Variants in TMEM154 observed in about 807,000 individuals in gnomAD.
The protein encoded by TMEM154 is transmembrane protein 154.
A neutral mutation model predicts 24.5 loss-of-function variants in TMEM154; 27 were observed. That is an observed-to-expected ratio of 1.10 (90% CI 0.81 to 1.52). The LOEUF (loss-of-function observed/expected upper bound fraction) is 1.52. Among genes scored for constraint, TMEM154 ranks in the 40% most tolerant of loss-of-function variants. TMEM154 has a pLI of 0.00. For synonymous variants in TMEM154, 67 were observed against 76.8 expected (o/e 0.87, Z 0.67); for missense variants, 228 against 213.4 (o/e 1.07, Z -0.43).
intron 2 of TMEM154, 37 bp from the exon 3 acceptor site, chr4:152,652,613 G>T (rs1164741810): frequency 6.2e-7 from 1 of 1,613,214 alleles, no homozygotes; most frequent in Non-Finnish European, 8.5e-7. Context: ...TTTATTGATT[G>T]TTCACTAACA....
At chr4:152,645,458 G>A (rs1191339475) in intron 3 of TMEM154, among the ~76,000 whole-genome samples, 1 of 152,176 alleles carries the variant, frequency 6.6e-6, no homozygotes, top group Non-Finnish European at 1.5e-5. Context: ...GAGAATTGGA[G>A]CCTGATGTCC....
At chr4:152,662,656 C>T (rs947486835) in intron 1 of TMEM154, among the ~76,000 whole-genome samples, 6 of 152,162 alleles carry the variant, frequency 3.9e-5, no homozygotes, top group Admixed American at 3.9e-4. Flanking sequence ...GGTTAACAGC[C>T]ACTCTTAATG....
At chr4:152,656,252 C>G (rs1728489527) in intron 1 of TMEM154, among the ~76,000 whole-genome samples, 1 of 152,164 alleles carries the variant, frequency 6.6e-6, no homozygotes, top group Non-Finnish European at 1.5e-5. Flanking sequence ...TAACCACTAC[C>G]ATTTCTAGCA....
chr4:152,667,620 TGAA>T (rs1194619246), intron 1 of TMEM154, among the ~76,000 whole-genome samples: 4 of 152,348 alleles, frequency 2.6e-5, no homozygotes, highest in Admixed American at 1.3e-4. Context: ...CTAATTTACT[TGAA>T]GAAGTTATGG....
At chr4:152,672,090 T>A (rs1438535770) in intron 1 of TMEM154, among the ~76,000 whole-genome samples, 119 of 101,804 alleles carry the variant, frequency 1.2e-3, no homozygotes, top group African/African-American at 2.1e-3. Flanking sequence ...CCTATCTCTA[T>A]AAAAAAAAAA....
In TMEM154 at chr4:152,641,661, CTTTT is replaced by C. The variant is rs5863014; in HGVS notation, c.479-680_479-677del. Among the ~76,000 whole-genome samples the C allele has an allele frequency of 6.8e-3, 863 of 126,940 alleles. 11 individuals carry two copies. The highest frequency in any genetic ancestry group is 0.022 in the African/African-American group (736 of 34,146). The allele number at this position is 126,940 out of a possible 152,430, so 83.3% of individuals were successfully genotyped here. On this transcript the variant is annotated intron_variant, in intron 5 of 6. Coordinates refer to ENST00000304385, the MANE Select transcript of TMEM154 (RefSeq NM_152680.3). Reference sequence around the variant, plus strand: ...TCTGTGGTGAATTTTTTTCTTCTACCTTTTTTTTTTTTTTTTTTGCATTTTCCAA... The same window carrying C: ...TCTGTGGTGAATTTTTTTCTTCTACCTTTTTTTTTTTTTTGCATTTTCCAA...
intron 3 of TMEM154, chr4:152,646,903 A>T (rs1348007981): frequency 4.3e-6 from 3 of 701,692 alleles, no homozygotes; most frequent in Non-Finnish European, 7.8e-6. Flanking sequence ...CAGCCTGTTT[A>T]AAGGGGTAGT....
At chr4:152,638,317 C>G (rs573793423) in intron 6 of TMEM154, among the ~76,000 whole-genome samples, 1 of 152,306 alleles carries the variant, frequency 6.6e-6, no homozygotes, top group African/African-American at 2.4e-5. Context: ...GTGGACTATT[C>G]TGAAATCACC....
At chr4:152,631,001 C>T (rs1479728571) in intron 6 of TMEM154, among the ~76,000 whole-genome samples, 3 of 152,200 alleles carry the variant, frequency 2.0e-5, no homozygotes, top group African/African-American at 7.2e-5. Flanking sequence ...TAGCCAATCC[C>T]TTATTGTTAA....
At position 152,661,432 on chromosome 4, in the gene TMEM154, T is replaced by C. The variant is rs186218281; in HGVS notation, c.65-8505A>G. On this transcript the variant is annotated intron_variant, in intron 1 of 6. Transcript: ENST00000304385. ...TATGTGCTAGCTGCTAGGATACACA[T>C]GTGCTATCTAATTCGATCTTCACAA... Among the ~76,000 whole-genome samples, 339 of 152,066 alleles carry C rather than the reference T, an allele frequency of 2.2e-3. 4 individuals are homozygous for C. Among genetic ancestry groups the C allele is most frequent in the African/African-American group, 7.9e-3 (329 of 41,484 alleles).
rs1279296066 is a variant in TMEM154, at chr4:152,620,236, A to G, written c.*8310T>C. The stretch of plus-strand genomic sequence containing the variant: ...CCACTGCAACCTTAAAGAGGATCAT[A>G]TGCTGTTTATGTCAGCTCTAGTAAG... On this transcript the variant is annotated 3_prime_UTR_variant, in exon 7 of 7. Transcript: ENST00000304385. 1 of 152,222 alleles carries G rather than the reference A, an allele frequency of 6.6e-6. No homozygotes were observed. Among genetic ancestry groups the G allele is most frequent in the Non-Finnish European group, 1.5e-5 (1 of 68,042 alleles). The allele number at this position is 152,222 out of a possible 1,614,324, so 9.4% of individuals were successfully genotyped here.
Position 152,643,154 on chromosome 4 carries a change from T to C in TMEM154, c.412A>G (p.Thr138Ala), listed in dbSNP as rs761970678. Reference protein sequence around the residue: ...NVKVPIFEEDTPSVMEIEMEE... With the variant: ...NVKVPIFEEDAPSVMEIEMEE... ...ATTTCAATTTCCATAACAGAGGGTG[T>C]ATCTTCCTCAAAAATAGGGCTAGAA... Residue 138 changes from threonine to alanine, a missense_variant, in exon 5 of 7, where the codon ACA becomes GCA. Transcript: ENST00000304385. 1 of 1,611,056 alleles carries C rather than the reference T, an allele frequency of 6.2e-7. No individual in the cohort carries two copies. Among genetic ancestry groups the C allele is most frequent in the Admixed American group, 1.7e-5 (1 of 59,138 alleles).
Position 152,627,261 on chromosome 4 carries a change from T to A in TMEM154, c.*1285A>T, listed in dbSNP as rs1751937096. 6.6e-6 allele frequency: 1 copy of A among 152,228 alleles called. No individual in the cohort carries two copies. The highest frequency in any genetic ancestry group is 1.5e-5 in the Non-Finnish European group (1 of 68,040). 9.4% of individuals were successfully genotyped at this position (152,228 alleles called of 1,614,324 possible). ...AGACACAAAATTGAGCAGCAAATGTTTGGGTAGTCCCATCTCCCTTCGGTT... is the reference window on the plus strand; with the variant it reads ...AGACACAAAATTGAGCAGCAAATGTATGGGTAGTCCCATCTCCCTTCGGTT... On this transcript the variant is annotated 3_prime_UTR_variant, in exon 7 of 7. Transcript: ENST00000304385.
intron 3 of TMEM154, among the ~76,000 whole-genome samples, chr4:152,648,541 G>T (rs983752645): frequency 1.3e-5 from 2 of 152,192 alleles, no homozygotes; most frequent in African/African-American, 4.8e-5. Flanking sequence ...AGGGATGGCA[G>T]TTTGCCAAGC....
In TMEM154 at chr4:152,625,531, A is replaced by T. The variant is rs1468925151; in HGVS notation, c.*3015T>A. On this transcript the variant is annotated 3_prime_UTR_variant, in exon 7 of 7. Coordinates refer to ENST00000304385, the MANE Select transcript of TMEM154 (RefSeq NM_152680.3). ...AAACCCCATCTCTACTAAAAATACA[A>T]AAATTAGCTGGGCATAGTGACACAG... 6.6e-6 allele frequency: 1 copy of T among 152,082 alleles called. No homozygotes were observed. The highest frequency in any genetic ancestry group is 1.5e-5 in the Non-Finnish European group (1 of 68,032). 9.4% of individuals were successfully genotyped at this position (152,082 alleles called of 1,614,324 possible). A position where few individuals can be genotyped will look rare whatever the true frequency, so the allele number is the denominator to read the frequency against.
intron 1 of TMEM154, among the ~76,000 whole-genome samples, chr4:152,655,396 G>C (rs1414723909): frequency 6.6e-6 from 1 of 152,178 alleles, no homozygotes; most frequent in African/African-American, 2.4e-5. Context: ...CCTGTACACT[G>C]TGCAATGGCA....
chr4:152,661,713 T>C (rs1728617304), intron 1 of TMEM154, among the ~76,000 whole-genome samples: 1 of 152,170 alleles, frequency 6.6e-6, no homozygotes, highest in Non-Finnish European at 1.5e-5. Context: ...ATCCCCAAGG[T>C]CCCATCTATT....
intron 1 of TMEM154, chr4:152,668,972 C>T (rs1728776414): frequency 6.6e-6 from 1 of 152,232 alleles, no homozygotes; most frequent in African/African-American, 2.4e-5. Flanking sequence ...CCTACCCTTC[C>T]ATCCTGAACA....
chr4:152,632,141 T>A (rs1436261573), intron 6 of TMEM154, among the ~76,000 whole-genome samples: 1 of 152,160 alleles, frequency 6.6e-6, no homozygotes, highest in Non-Finnish European at 1.5e-5. Flanking sequence ...TTCTGACTTG[T>A]GTGTCATGCT....
Sources: gnomAD v4.1 joint callset for allele counts (sites outside exome capture counted in the v4.1 genomes callset) on GRCh38, gnomAD v4.1.1 for gene constraint, MANE v1.5 for transcripts, NCBI Gene and HGNC (gene_info 2026-07-23, HGNC 2026-07-21) for gene names.